Variants in C4orf50 observed in about 807,000 individuals in gnomAD.
C4orf50 encodes uncharacterized protein C4orf50.
A neutral mutation model predicts 77.2 loss-of-function variants in C4orf50; 80 were observed. That is an observed-to-expected ratio of 1.04 (90% CI 0.87 to 1.25). The LOEUF is 1.25. Among genes scored for constraint, C4orf50 ranks in the 50% most tolerant of loss-of-function variants. The pLI, the probability that C4orf50 is intolerant of heterozygous loss-of-function variation, is 0.00. For synonymous variants in C4orf50, 532 were observed against 465.3 expected, an observed-to-expected ratio of 1.14 and a Z score of -1.84; for missense variants, 1,257 against 1,152.9, an observed-to-expected ratio of 1.09 and a Z score of -1.31.
At chr4:5,917,002 A>G (rs1017775286) in intron 7 of C4orf50, among the ~76,000 whole-genome samples, 8 of 152,240 alleles carry the variant, frequency 5.3e-5, no homozygotes, top group Admixed American at 5.2e-4. Context: ...TCGACACCAA[A>G]TTAGCCAAAC....
intron 7 of C4orf50, among the ~76,000 whole-genome samples, chr4:5,945,085 T>C (rs1718424720): frequency 6.6e-6 from 1 of 152,144 alleles, no homozygotes; most frequent in African/African-American, 2.4e-5. Context: ...CCAGTGGCTC[T>C]AGCACTGGAG....
chr4:5,967,679 G>A (rs1476001047), intron 31 of C4orf50, among the ~76,000 whole-genome samples: 2 of 151,980 alleles, frequency 1.3e-5, no homozygotes, highest in East Asian at 1.9e-4. Context: ...TAGGAAACAT[G>A]GGCACAAAAA....
Position 6,000,330 on chromosome 4 carries a change from A to G in C4orf50, c.964-5854T>C, listed in dbSNP as rs1560595528. Among the ~76,000 whole-genome samples, 3 of 152,048 alleles carry G rather than the reference A, an allele frequency of 2.0e-5. No homozygotes were observed. Among genetic ancestry groups the G allele is most frequent in the Admixed American group, 2.0e-4 (3 of 15,268 alleles). ...GCCGCATCTGGCTTTGCAGTTCCTT[A>G]TCGATGGGTTCTAACACTTTAATTT... On this transcript the variant is annotated intron_variant, in intron 25 of 33. Coordinates refer to ENST00000531445, the Ensembl canonical transcript of C4orf50. The surrounding 1 kb of genome is among the most constrained non-coding windows in gnomAD (Gnocchi z 6.0).
exon 28 of C4orf50, chr4:5,989,759 C>T (rs1183479028): frequency 1.3e-6 from 2 of 1,531,088 alleles, no homozygotes; most frequent in East Asian, 2.5e-5. Context: ...GTCTCTCCTG[C>T]AAAGAAAAGC....
At chr4:5,922,708 G>C (rs1717331633) in intron 7 of C4orf50, among the ~76,000 whole-genome samples, 1 of 152,200 alleles carries the variant, frequency 6.6e-6, no homozygotes, top group Admixed American at 6.5e-5. Flanking sequence ...ATCCATGGCA[G>C]TGCCCAGCCT....
intron 31 of C4orf50, among the ~76,000 whole-genome samples, chr4:5,968,108 T>C (rs1719689707): frequency 6.6e-6 from 1 of 152,214 alleles, no homozygotes; most frequent in African/African-American, 2.4e-5. Flanking sequence ...GATAACTCTT[T>C]CCTGTCTCCA....
chr4:6,017,129 A>C lies in C4orf50; in HGVS notation c.287+1016T>G, dbSNP rs1722711180. Among the ~76,000 whole-genome samples, 1 of 152,222 alleles carries C rather than the reference A, an allele frequency of 6.6e-6. No homozygotes were observed. Among genetic ancestry groups the C allele is most frequent in the Non-Finnish European group, 1.5e-5 (1 of 68,036 alleles). On this transcript the variant is annotated intron_variant, in intron 23 of 33. Coordinates refer to ENST00000531445, the Ensembl canonical transcript of C4orf50. This position sits in a 1 kb window ranked among gnomAD's most constrained non-coding sequence, Gnocchi z 4.7. ...AGGCCAGGTCAGCTCCATCAGGCAA[A>C]CAGTGCCCACAGCAGGAAGTTCTAC...
chr4:5,963,865 A>G (rs1010421737), intron 33 of C4orf50, among the ~76,000 whole-genome samples: 11 of 152,156 alleles, frequency 7.2e-5, no homozygotes, highest in Non-Finnish European at 1.2e-4. Context: ...CATCACAGGG[A>G]ACTAAAATGG....
rs1370000108 is a variant in C4orf50, at chr4:5,900,204, T to G, written c.*2475-2016A>C. The G allele has an allele frequency of 2.0e-5, 3 of 152,098 alleles. No individual in the cohort carries two copies. Among genetic ancestry groups the G allele is most frequent in the Admixed American group, 2.0e-4 (3 of 15,270 alleles). 9.4% of individuals were successfully genotyped at this position (152,098 alleles called of 1,614,324 possible). On this transcript the variant is annotated intron_variant, in intron 7 of 7. Coordinates refer to the C4orf50 transcript ENST00000324058. This position sits in a 1 kb window ranked among gnomAD's most constrained non-coding sequence, Gnocchi z 4.3. The stretch of plus-strand genomic sequence containing the variant: ...GAAGATGAAAAGCCCCTCTCAAGTT[T>G]ATAAAAGTTTACTCAATAAATTGCT...
At chr4:5,907,733 T>C (rs1285175648) in intron 7 of C4orf50, among the ~76,000 whole-genome samples, 2 of 152,042 alleles carry the variant, frequency 1.3e-5, no homozygotes, top group East Asian at 3.9e-4. Context: ...ACATTTGAGT[T>C]GAGACCCAAA....
At chr4:5,925,825 G>A (rs1290354170) in intron 7 of C4orf50, among the ~76,000 whole-genome samples, 1 of 152,240 alleles carries the variant, frequency 6.6e-6, no homozygotes, top group Non-Finnish European at 1.5e-5. Flanking sequence ...GGCAGCGGGG[G>A]ATGAGCTGGA....
chr4:5,938,231 T>C (rs1428055393), intron 7 of C4orf50, among the ~76,000 whole-genome samples: 1 of 152,244 alleles, frequency 6.6e-6, no homozygotes, highest in Non-Finnish European at 1.5e-5. Flanking sequence ...CCATATTCTC[T>C]GGTTACGATG....
At chr4:5,960,847 CA>C in intron 33 of C4orf50, among the ~76,000 whole-genome samples, 2 of 152,206 alleles carry the variant, frequency 1.3e-5, no homozygotes, top group East Asian at 3.9e-4. Context: ...GTCTGGACTC[CA>C]TCTTATAATA....
At chr4:5,987,985 T>C (rs1720970460) in intron 28 of C4orf50, among the ~76,000 whole-genome samples, 1 of 152,212 alleles carries the variant, frequency 6.6e-6, no homozygotes, top group African/African-American at 2.4e-5. Flanking sequence ...AATTAGTACT[T>C]GGAGCACTTG....
chr4:5,925,441 A>C (rs1164695945), intron 7 of C4orf50, among the ~76,000 whole-genome samples: 1 of 152,100 alleles, frequency 6.6e-6, no homozygotes, highest in Non-Finnish European at 1.5e-5. Context: ...TAGAAAGATA[A>C]ACTTGAGGCA....
At chr4:5,989,732 G>C (rs1201501053) in exon 28 of C4orf50, 5 of 1,535,310 alleles carry the variant, frequency 3.3e-6, no homozygotes, top group Non-Finnish European at 4.4e-6. Context: ...GCAAATCTGG[G>C]AAACAGTGGC....
At chr4:5,956,188 G>T (rs907916367), downstream of C4orf50, among the ~76,000 whole-genome samples, 28 of 152,290 alleles carry the variant, frequency 1.8e-4, no homozygotes, top group Admixed American at 2.0e-4. Flanking sequence ...TTCCACTCCA[G>T]GATTACAGAA....
chr4:5,904,999 C>T (rs1295164803), intron 7 of C4orf50: 1 of 152,202 alleles, frequency 6.6e-6, no homozygotes, highest in African/African-American at 2.4e-5. Context: ...AGGATCCTGA[C>T]ACTTGGAAAG....
downstream of C4orf50, among the ~76,000 whole-genome samples, chr4:5,952,454 G>A (rs569837042): frequency 5.3e-5 from 8 of 152,312 alleles, no homozygotes; most frequent in African/African-American, 1.4e-4. This position sits in a 1 kb window ranked among gnomAD's most constrained non-coding sequence, Gnocchi z 4.4. Flanking sequence ...AGGGCGAAGC[G>A]CATGAGCACT....
Sources: allele counts gnomAD v4.1 joint callset (sites outside exome capture counted in the v4.1 genomes callset), GRCh38; gene constraint gnomAD v4.1.1; non-coding constraint Gnocchi (gnomAD v3.1); transcripts MANE v1.5; gene names NCBI Gene and HGNC (gene_info 2026-07-23, HGNC 2026-07-21).